Variants in TMEFF2 observed in about 807,000 individuals in gnomAD.
TMEFF2 encodes the protein tomoregulin-2.
Under a neutral mutation model 53.8 loss-of-function variants are expected in TMEFF2, and 28 were observed. The ratio of observed to expected loss-of-function variants is 0.52; its 90% confidence interval spans 0.39 to 0.71. TMEFF2 has a LOEUF of 0.71. TMEFF2 is among the 30% of genes least tolerant of loss of function. The pLI is 0.00. For missense variants in TMEFF2, 353 were observed against 455.2 expected (o/e 0.78, Z 2.04); for synonymous variants, 162 against 166.3 (o/e 0.97, Z 0.20).
At chr2:192,102,009 C>T (rs1021878748) in intron 4 of TMEFF2, among the ~76,000 whole-genome samples, 4 of 152,074 alleles carry the variant, frequency 2.6e-5, no homozygotes, top group Non-Finnish European at 5.9e-5. Context: ...AAGCATACAG[C>T]ACAATGTCTG....
At chr2:192,111,995 G>T (rs1689290183) in intron 4 of TMEFF2, among the ~76,000 whole-genome samples, 1 of 152,218 alleles carries the variant, frequency 6.6e-6, no homozygotes, top group African/African-American at 2.4e-5. Context: ...GCATGGAAAT[G>T]CCTGGATGCC....
At chr2:192,157,908 C>T (rs764074633) in intron 4 of TMEFF2, among the ~76,000 whole-genome samples, 36 of 152,116 alleles carry the variant, frequency 2.4e-4, no homozygotes, top group Non-Finnish European at 4.9e-4. Context: ...CATGCTGTTC[C>T]GCACTTCCAT....
At chr2:191,964,410 T>TTTTTTCTTTC (rs1692406953) in intron 7 of TMEFF2, among the ~76,000 whole-genome samples, 1 of 112,084 alleles carries the variant, frequency 8.9e-6, no homozygotes, top group African/African-American at 4.5e-5. Context: ...CTTTCTTTCT[T>TTTTTTCTTTC]TCTTTCTTTC....
At chr2:192,017,485 A>G (rs1441429562) in intron 5 of TMEFF2, among the ~76,000 whole-genome samples, 2 of 152,202 alleles carry the variant, frequency 1.3e-5, no homozygotes, top group Non-Finnish European at 2.9e-5. Flanking sequence ...GGCCTGGATT[A>G]ACTATCTCAT....
At chr2:192,114,988 A>G (rs912611727) in intron 4 of TMEFF2, among the ~76,000 whole-genome samples, 3 of 151,998 alleles carry the variant, frequency 2.0e-5, no homozygotes, top group African/African-American at 7.2e-5. Context: ...TGTCAACTAA[A>G]TATTTTTTTA....
intron 5 of TMEFF2, among the ~76,000 whole-genome samples, chr2:192,052,521 TA>T (rs1687796336): frequency 2.6e-5 from 4 of 152,204 alleles, no homozygotes; most frequent in Admixed American, 2.6e-4. Context: ...AGGCTGTTTC[TA>T]AAGTGAAATC....
intron 3 of TMEFF2, among the ~76,000 whole-genome samples, chr2:192,181,190 G>C (rs1343961574): frequency 6.6e-6 from 1 of 151,638 alleles, no homozygotes; most frequent in Non-Finnish European, 1.5e-5. Flanking sequence ...ATCTCTTTTG[G>C]ACAGAACAGT....
intron 4 of TMEFF2, among the ~76,000 whole-genome samples, chr2:192,075,383 C>T (rs1376138159): frequency 7.1e-6 from 1 of 141,308 alleles, no homozygotes; most frequent in Non-Finnish European, 1.5e-5. Context: ...TCATGGGGGC[C>T]TAATTCTTCC....
At chr2:192,031,754 T>G (rs890966465) in intron 5 of TMEFF2, 7 of 152,112 alleles carry the variant, frequency 4.6e-5, no homozygotes, top group African/African-American at 1.7e-4. Flanking sequence ...TTGAGAGAGA[T>G]TTTAATCTAA....
chr2:192,088,248 G>C (rs1480540950), intron 4 of TMEFF2, among the ~76,000 whole-genome samples: 1 of 151,896 alleles, frequency 6.6e-6, no homozygotes, highest in Non-Finnish European at 1.5e-5. Context: ...GGTAAGAAAA[G>C]ACTGAATCCA....
At chr2:191,978,664 A>G (rs1026980849) in intron 7 of TMEFF2, among the ~76,000 whole-genome samples, 3 of 152,132 alleles carry the variant, frequency 2.0e-5, no homozygotes, top group Non-Finnish European at 4.4e-5. Flanking sequence ...AATATGCTAT[A>G]TAAGGGCCAG....
At chr2:191,998,418 T>A in intron 6 of TMEFF2, 97 bp from the exon 7 acceptor site, 1 of 854,522 alleles carries the variant, frequency 1.2e-6, no homozygotes, top group African/African-American at 1.8e-5. Flanking sequence ...TCATTGCAAT[T>A]AAGGAATTTT....
intron 4 of TMEFF2, among the ~76,000 whole-genome samples, chr2:192,143,704 T>G (rs922528947): frequency 6.6e-6 from 1 of 152,146 alleles, no homozygotes; most frequent in Non-Finnish European, 1.5e-5. Context: ...TTTCTTTCTG[T>G]AATTTGAGTA....
At chr2:192,053,951 A>G (rs535710794) in intron 5 of TMEFF2, among the ~76,000 whole-genome samples, 1 of 152,282 alleles carries the variant, frequency 6.6e-6, no homozygotes, top group East Asian at 1.9e-4. Flanking sequence ...ATGAAAATCA[A>G]TGCACTTGTC....
chr2:192,037,361 C>T (rs1005682090), intron 5 of TMEFF2, among the ~76,000 whole-genome samples: 2 of 145,334 alleles, frequency 1.4e-5, no homozygotes, highest in Non-Finnish European at 3.0e-5. Flanking sequence ...AAAAAAACCT[C>T]TCACTTAAGT....
chr2:192,004,294 GAAAC>G (rs1333818542), intron 5 of TMEFF2, among the ~76,000 whole-genome samples: 1 of 152,156 alleles, frequency 6.6e-6, no homozygotes, highest in Non-Finnish European at 1.5e-5. Context: ...AAGGAAACAG[GAAAC>G]AAACAGTTAG....
chr2:192,070,957 C>T (rs954256478), intron 4 of TMEFF2, among the ~76,000 whole-genome samples: 2 of 151,692 alleles, frequency 1.3e-5, no homozygotes, highest in South Asian at 2.1e-4. Context: ...AATGAGTTGT[C>T]GAGTGGAAAG....
intron 4 of TMEFF2, among the ~76,000 whole-genome samples, chr2:192,167,950 C>A (rs1223296263): frequency 6.6e-6 from 1 of 152,056 alleles, no homozygotes; most frequent in African/African-American, 2.4e-5. Flanking sequence ...TCATTCATCC[C>A]TTAATTTAAC....
intron 9 of TMEFF2, among the ~76,000 whole-genome samples, chr2:191,952,222 T>C (rs986866534): frequency 1.3e-5 from 2 of 152,228 alleles, no homozygotes; most frequent in African/African-American, 4.8e-5. Flanking sequence ...AATATGTGCT[T>C]ACACAATTCC....
Sources: allele counts gnomAD v4.1 joint callset (sites outside exome capture counted in the v4.1 genomes callset), GRCh38; gene constraint gnomAD v4.1.1; transcripts MANE v1.5; gene names NCBI Gene and HGNC (gene_info 2026-07-23, HGNC 2026-07-21).